KCNQ3: variants seen among roughly 807,000 people sequenced by gnomAD.
KCNQ3 encodes potassium voltage-gated channel subfamily Q member 3.
KCNQ3 carries 30 observed loss-of-function variants against 92.5 expected under a neutral mutation model. That is an observed-to-expected ratio of 0.32 (90% CI 0.24 to 0.44). The LOEUF is 0.44. Ranked by LOEUF, KCNQ3 falls within the 20% of genes least tolerant of loss-of-function variation. KCNQ3 has a pLI of 1.00. For synonymous variants in KCNQ3, 450 were observed against 468.8 expected (o/e 0.96, Z 0.52); for missense variants, 913 against 1,140.3 (o/e 0.80, Z 2.87).
chr8:132,137,021 T>C (rs1031224534), intron 12 of KCNQ3, among the ~76,000 whole-genome samples: 10 of 124,368 alleles, frequency 8.0e-5, no homozygotes, highest in Admixed American at 6.1e-4. Context: ...TGCACCACCA[T>C]GCCTGGATTT....
At chr8:132,154,003 T>C (rs1825716315) in intron 9 of KCNQ3, among the ~76,000 whole-genome samples, 1 of 134,844 alleles carries the variant, frequency 7.4e-6, no homozygotes, top group East Asian at 2.0e-4. Flanking sequence ...AAAAATGCCA[T>C]TTTTTTTCCT....
chr8:132,320,162 G>A (rs1460555158), intron 1 of KCNQ3, among the ~76,000 whole-genome samples: 1 of 152,208 alleles, frequency 6.6e-6, no homozygotes, highest in African/African-American at 2.4e-5. Flanking sequence ...CCAGTTTCTA[G>A]AGGATTTTCA....
intron 1 of KCNQ3, among the ~76,000 whole-genome samples, chr8:132,375,263 C>A (rs1005871622): frequency 6.6e-6 from 1 of 152,090 alleles, no homozygotes; most frequent in African/African-American, 2.4e-5. Context: ...AAACTTATTA[C>A]CTGTTTGCAT....
At chr8:132,265,407 T>C (rs1452712546) in intron 1 of KCNQ3, among the ~76,000 whole-genome samples, 1 of 152,208 alleles carries the variant, frequency 6.6e-6, no homozygotes, top group Non-Finnish European at 1.5e-5. Flanking sequence ...ACCCATCACT[T>C]CCAGGTTTTC....
intron 1 of KCNQ3, among the ~76,000 whole-genome samples, chr8:132,239,487 C>G (rs536272354): frequency 2.0e-5 from 3 of 152,264 alleles, no homozygotes; most frequent in Non-Finnish European, 4.4e-5. Context: ...AAATGAAACT[C>G]AAAGTAATTT....
intron 1 of KCNQ3, among the ~76,000 whole-genome samples, chr8:132,285,201 G>GA (rs1249069362): frequency 6.6e-6 from 1 of 152,124 alleles, no homozygotes; most frequent in Non-Finnish European, 1.5e-5. Context: ...TAGCAGGCTG[G>GA]AAAAAAGCCT....
At chr8:132,272,816 G>A (rs967303926) in intron 1 of KCNQ3, among the ~76,000 whole-genome samples, 1 of 152,142 alleles carries the variant, frequency 6.6e-6, no homozygotes, top group African/African-American at 2.4e-5. Flanking sequence ...TTTGGGTGGG[G>A]AAACAGCCAA....
chr8:132,261,625 A>T (rs2130471555), intron 1 of KCNQ3, among the ~76,000 whole-genome samples: 1 of 152,312 alleles, frequency 6.6e-6, no homozygotes, highest in East Asian at 1.9e-4. Context: ...AGCTGGCAGG[A>T]GCAGACGTGA....
chr8:132,194,784 A>T (rs1827259403), intron 1 of KCNQ3, among the ~76,000 whole-genome samples: 1 of 152,212 alleles, frequency 6.6e-6, no homozygotes, highest in African/African-American at 2.4e-5. Context: ...CTTAAGAAGG[A>T]CCTATTATTC....
intron 1 of KCNQ3, among the ~76,000 whole-genome samples, chr8:132,403,406 G>A (rs553280256): frequency 2.0e-5 from 3 of 152,226 alleles, no homozygotes; most frequent in South Asian, 2.1e-4. Context: ...GCCCATTCCC[G>A]CTCTTCAGGG....
chr8:132,142,287 G>T (rs777306526), intron 9 of KCNQ3, among the ~76,000 whole-genome samples: 2 of 152,150 alleles, frequency 1.3e-5, no homozygotes, highest in African/African-American at 2.4e-5. Context: ...GGTGCAAAAA[G>T]CCAGTTGCAC....
chr8:132,323,480 G>A (rs974524251), intron 1 of KCNQ3, among the ~76,000 whole-genome samples: 1 of 152,124 alleles, frequency 6.6e-6, no homozygotes, highest in Non-Finnish European at 1.5e-5. Flanking sequence ...TTATTCTTTG[G>A]TCGCTTACAG....
chr8:132,198,854 GT>G (rs567877743), intron 1 of KCNQ3, among the ~76,000 whole-genome samples: 77 of 152,222 alleles, frequency 5.1e-4, no homozygotes, highest in African/African-American at 1.9e-3. Context: ...AGGTATCTCT[GT>G]TATCTTAATA....
chr8:132,440,034 G>A (rs988916292), intron 1 of KCNQ3, among the ~76,000 whole-genome samples: 23 of 152,080 alleles, frequency 1.5e-4, no homozygotes, highest in African/African-American at 9.7e-5. Flanking sequence ...ACATCCTTCC[G>A]TATACTTTAA....
intron 6 of KCNQ3, among the ~76,000 whole-genome samples, chr8:132,172,923 C>A (rs1267142209): frequency 6.6e-6 from 1 of 152,236 alleles, no homozygotes; most frequent in African/African-American, 2.4e-5. Context: ...GGTTCCAATT[C>A]TGACACTGCC....
intron 1 of KCNQ3, among the ~76,000 whole-genome samples, chr8:132,331,706 A>C (rs557195434): frequency 6.6e-6 from 1 of 152,384 alleles, no homozygotes; most frequent in Admixed American, 6.5e-5. Context: ...GACACAGCAT[A>C]GTATAATGGG....
chr8:132,272,969 A>C (rs1255167903), intron 1 of KCNQ3, among the ~76,000 whole-genome samples: 1 of 152,192 alleles, frequency 6.6e-6, no homozygotes, highest in African/African-American at 2.4e-5. Context: ...ATCTGAGGCA[A>C]GGCAAGTCCC....
At chr8:132,377,801 C>T (rs1226902054) in intron 1 of KCNQ3, among the ~76,000 whole-genome samples, 1 of 152,140 alleles carries the variant, frequency 6.6e-6, no homozygotes, top group Non-Finnish European at 1.5e-5. Flanking sequence ...TTTTCTCATC[C>T]ATAAAATAGG....
At chr8:132,336,243 C>G (rs964469727) in intron 1 of KCNQ3, among the ~76,000 whole-genome samples, 2 of 152,190 alleles carry the variant, frequency 1.3e-5, no homozygotes, top group African/African-American at 4.8e-5. Flanking sequence ...CTCCCCTGCA[C>G]CATTGGCATG....
Sources: allele counts gnomAD v4.1 joint callset (sites outside exome capture counted in the v4.1 genomes callset), GRCh38; gene constraint gnomAD v4.1.1; transcripts MANE v1.5; gene names NCBI Gene and HGNC (gene_info 2026-07-23, HGNC 2026-07-21).